Variants in KLF8 observed in about 807,000 individuals in gnomAD.
The protein encoded by KLF8 is KLF transcription factor 8, also known as Krueppel-like factor 8.
Under a neutral mutation model 18.2 loss-of-function variants are expected in KLF8, and 10 were observed. The ratio of observed to expected loss-of-function variants is 0.55; its 90% confidence interval spans 0.34 to 0.93. The LOEUF is 0.93. Ranked by LOEUF, KLF8 falls within the 40% of genes least tolerant of loss-of-function variation. The pLI is 0.02. For missense variants in KLF8, 264 were observed against 277.9 expected (o/e 0.95, Z 0.36); for synonymous variants, 109 against 97.3 (o/e 1.12, Z -0.71).
the KLF8 span, among the ~76,000 whole-genome samples, chrX:56,107,548 G>A: frequency 8.9e-6 from 1 of 112,045 alleles, no homozygotes; most frequent in Non-Finnish European, 1.9e-5. Context: ...AGAATCGCCT[G>A]ATCTGCGGGT....
chrX:56,202,047 A>G, the KLF8 span, among the ~76,000 whole-genome samples: 1 of 111,198 alleles, frequency 9.0e-6, no homozygotes, highest in Non-Finnish European at 1.9e-5. Context: ...CAAGCCCATT[A>G]AGACTTGACT....
chrX:56,070,248 G>T, the KLF8 span, among the ~76,000 whole-genome samples: 1 of 109,738 alleles, frequency 9.1e-6, no homozygotes, highest in East Asian at 2.9e-4. Flanking sequence ...GGGCCTGTCG[G>T]GGTGTTAGAG....
chrX:55,981,069 T>A, the KLF8 span, among the ~76,000 whole-genome samples: 76 of 111,718 alleles, frequency 6.8e-4, 2 homozygotes, highest in African/African-American at 2.4e-3. Context: ...GGCGTGTGCC[T>A]ATAATCCAAG....
chrX:56,029,757 G>A, the KLF8 span, among the ~76,000 whole-genome samples: 69 of 111,679 alleles, frequency 6.2e-4, no homozygotes, highest in Admixed American at 4.2e-3. Context: ...CATTGGTTAC[G>A]CTGCAGACGT....
the KLF8 span, among the ~76,000 whole-genome samples, chrX:55,930,335 A>G: frequency 2.7e-5 from 3 of 111,872 alleles, no homozygotes; most frequent in Non-Finnish European, 3.8e-5. Flanking sequence ...GCAAACCCAG[A>G]CAATTTGACT....
At chrX:56,058,269 CATATATATACATAT>C in the KLF8 span, among the ~76,000 whole-genome samples, 95 of 15,965 alleles carry the variant, frequency 6.0e-3, 4 homozygotes, top group African/African-American at 0.018. Context: ...CATATATATA[CATATATATACATAT>C]ATATATATAT....
Position 56,265,495 on chromosome X carries a change from G to C in KLF8, c.397G>C (p.Ala133Pro). 1 of 1,211,911 alleles carries C rather than the reference G, an allele frequency of 8.3e-7. No individual in the cohort carries two copies. The highest frequency in any genetic ancestry group is 1.1e-6 in the Non-Finnish European group (1 of 895,539). Residue 133 changes from alanine to proline, a missense_variant, in exon 3 of 6, where the codon GCA becomes CCA. Physicochemically the swap from Ala to Pro is conservative, Grantham distance 27 (BLOSUM62 -1). This residue lies in a region of KLF8 where 221 missense variants were observed against 193.6 expected (regional missense o/e 1.14). Transcript: ENST00000468660. ...GTCAACATCTGACATGAGCACTTCA[G>C]CAAACATTCCTACTGTTCTGACCCC... Reference protein sequence around the residue: ...STSTSDMSTSANIPTVLTPGS... With the variant: ...STSTSDMSTSPNIPTVLTPGS...
At chrX:55,928,056 G>A in the KLF8 span, among the ~76,000 whole-genome samples, 1 of 112,188 alleles carries the variant, frequency 8.9e-6, no homozygotes, top group African/African-American at 3.2e-5. Context: ...AATACAGACT[G>A]TATTTAGTCT....
chrX:55,986,535 G>A, the KLF8 span, among the ~76,000 whole-genome samples: 2 of 111,744 alleles, frequency 1.8e-5, no homozygotes, highest in Non-Finnish European at 3.8e-5. Context: ...TGAGAACCTG[G>A]ATATTTTAGC....
At chrX:56,039,197 G>A in the KLF8 span, among the ~76,000 whole-genome samples, 1 of 112,097 alleles carries the variant, frequency 8.9e-6, no homozygotes, top group East Asian at 2.8e-4. Flanking sequence ...TTGCTGTGTA[G>A]AAGCTCTTTA....
the KLF8 span, among the ~76,000 whole-genome samples, chrX:56,053,869 G>T: frequency 9.0e-6 from 1 of 110,532 alleles, no homozygotes; most frequent in African/African-American, 3.3e-5. Context: ...CATAGTTTTT[G>T]ATTGTGTTTA....
At chrX:56,012,106 G>A in the KLF8 span, among the ~76,000 whole-genome samples, 1 of 111,879 alleles carries the variant, frequency 8.9e-6, no homozygotes, top group Non-Finnish European at 1.9e-5. Context: ...CATTTAATGA[G>A]GCCAGCATCA....
chrX:55,957,383 G>A, the KLF8 span, among the ~76,000 whole-genome samples: 1 of 111,935 alleles, frequency 8.9e-6, no homozygotes, highest in South Asian at 3.7e-4. Context: ...GGTCCCTTGA[G>A]ATTCCACATG....
the KLF8 span, among the ~76,000 whole-genome samples, chrX:55,970,516 G>A: frequency 9.9e-5 from 11 of 111,366 alleles, no homozygotes; most frequent in Admixed American, 1.9e-4. Flanking sequence ...AGAAACACAC[G>A]GATACCTGTT....
chrX:56,058,207 C>CAT, the KLF8 span, among the ~76,000 whole-genome samples: 2 of 77,986 alleles, frequency 2.6e-5, no homozygotes, highest in South Asian at 6.1e-4. Flanking sequence ...TATATATACA[C>CAT]ATATATATAC....
the KLF8 span, among the ~76,000 whole-genome samples, chrX:56,209,496 G>A: frequency 1.8e-4 from 20 of 111,186 alleles, no homozygotes; most frequent in Non-Finnish European, 5.7e-5. Flanking sequence ...AGTCATGGTG[G>A]TGAGTGCCTG....
the KLF8 span, among the ~76,000 whole-genome samples, chrX:56,166,038 C>A: frequency 9.0e-6 from 1 of 110,571 alleles, no homozygotes. Flanking sequence ...ATTTGAATAA[C>A]CACAATTTGC....
the KLF8 span, among the ~76,000 whole-genome samples, chrX:56,050,649 C>A: frequency 8.9e-6 from 1 of 112,265 alleles, no homozygotes; most frequent in Non-Finnish European, 1.9e-5. Flanking sequence ...GTTATAATTT[C>A]TGTTCTTTTA....
the KLF8 span, among the ~76,000 whole-genome samples, chrX:56,033,573 G>T: frequency 9.0e-6 from 1 of 111,698 alleles, no homozygotes; most frequent in South Asian, 3.7e-4. Context: ...TCTATTTTTA[G>T]TTTATTGAGG....
Sources: allele counts gnomAD v4.1 joint callset (sites outside exome capture counted in the v4.1 genomes callset), GRCh38; gene constraint gnomAD v4.1.1; regional missense constraint gnomAD v4.1.1; transcripts MANE v1.5; gene names NCBI Gene and HGNC (gene_info 2026-07-23, HGNC 2026-07-21).